Variants in SCN3B observed in about 807,000 individuals in gnomAD.
SCN3B encodes sodium channel regulatory subunit beta-3.
SCN3B carries 11 observed loss-of-function variants against 25.4 expected under a neutral mutation model. That is an observed-to-expected ratio of 0.43 (90% CI 0.27 to 0.72). The LOEUF (loss-of-function observed/expected upper bound fraction) is 0.72, where lower values mean the gene tolerates loss of function less well. Among genes scored for constraint, SCN3B ranks in the 30% least tolerant of loss-of-function variants. The probability of loss-of-function intolerance (pLI) is 0.18; values close to 1 mark genes in which losing one functional copy is unlikely to be tolerated. For missense variants in SCN3B, 218 were observed against 278.3 expected (o/e 0.78, Z 1.54); for synonymous variants, 109 against 110.7 (o/e 0.99, Z 0.09).
At chr11:123,637,809 C>A (rs575143632) in intron 5 of SCN3B, among the ~76,000 whole-genome samples, 1 of 152,060 alleles carries the variant, frequency 6.6e-6, no homozygotes, top group Non-Finnish European at 1.5e-5. Context: ...AGATTACAGG[C>A]GTGACAGCCA....
In SCN3B at chr11:123,642,733, G is replaced by A. The variant is rs763747625; in HGVS notation, c.220-62C>T. The A allele has an allele frequency of 3.4e-5, 44 of 1,283,794 alleles. No individual in the cohort carries two copies. The highest frequency in any genetic ancestry group is 3.3e-4 in the East Asian group (14 of 42,778). The allele number at this position is 1,283,794 out of a possible 1,614,324, so 79.5% of individuals were successfully genotyped here. ...AAGGAGATGGCAGTGGGGGGAAGCC[G>A]AGTTAGGGACAGGGCAGAGAAAAGG... On this transcript the variant is annotated intron_variant, in intron 3 of 6. Transcript: ENST00000299333. This position sits in a 1 kb window ranked among gnomAD's most constrained non-coding sequence, Gnocchi z 4.3.
intron 2 of SCN3B, among the ~76,000 whole-genome samples, chr11:123,649,851 C>T (rs1955903467): frequency 6.6e-6 from 1 of 151,938 alleles, no homozygotes; most frequent in Non-Finnish European, 1.5e-5. Flanking sequence ...TTACAGGCAC[C>T]TGCCATCACG....
At position 123,632,119 on chromosome 11, in the gene SCN3B, TA is replaced by T. The variant is rs1555114311; in HGVS notation, c.*1679del. The stretch of plus-strand genomic sequence containing the variant: ...TTAAAATGAAACACGAGATATTGAC[TA>T]AAGTTTTTTCCAGTTTCTCTGCTCC... On this transcript the variant is annotated 3_prime_UTR_variant, in exon 7 of 7. Coordinates refer to ENST00000299333, the MANE Select transcript of SCN3B (RefSeq NM_001040151.2). 2 of 152,182 alleles carry T rather than the reference TA, an allele frequency of 1.3e-5. No homozygotes were observed. Among genetic ancestry groups the T allele is most frequent in the Non-Finnish European group, 2.9e-5 (2 of 68,034 alleles). The allele number at this position is 152,182 out of a possible 1,614,324, so 9.4% of individuals were successfully genotyped here.
At position 123,630,756 on chromosome 11, in the gene SCN3B, C is replaced by T. The variant is rs1247769875; in HGVS notation, c.*3043G>A. 2.0e-5 allele frequency: 3 copies of T among 152,064 alleles called. No homozygotes were observed. Among genetic ancestry groups the T allele is most frequent in the Non-Finnish European group, 2.9e-5 (2 of 68,042 alleles). 9.4% of individuals were successfully genotyped at this position (152,064 alleles called of 1,614,324 possible). ...TCTCAAAGCACATTGCTAGCATCCACCAAAAAGCAAAGTGGTAGAGAAGCA... is the reference window on the plus strand; with the variant it reads ...TCTCAAAGCACATTGCTAGCATCCATCAAAAAGCAAAGTGGTAGAGAAGCA... On this transcript the variant is annotated 3_prime_UTR_variant, in exon 7 of 7. Coordinates refer to ENST00000299333, the MANE Select transcript of SCN3B (RefSeq NM_001040151.2).
Position 123,642,551 on chromosome 11 carries a change from C to T in SCN3B, c.340G>A (p.Asp114Asn). The change falls in exon 4 of 7, where the codon GAC (aspartate) becomes AAC (asparagine). Residue 114 changes from aspartate (D) to asparagine (N), a missense_variant. Coordinates refer to ENST00000299333, the MANE Select transcript of SCN3B (RefSeq NM_001040151.2). The surrounding 1 kb of genome is among the most constrained non-coding windows in gnomAD (Gnocchi z 4.3). ...SITVLNVTLN[D>N]SGLYTCNVSR... ...ACATTGCAGGTGTAGAGGCCAGAGT[C>T]GTTCAGAGTGACGTTGAGCACAGTG... 6.2e-7 allele frequency: 1 copy of T among 1,614,170 alleles called. No homozygotes were observed. The highest frequency in any genetic ancestry group is 1.7e-5 in the Admixed American group (1 of 60,024).
chr11:123,653,863 C>T (rs993700271), intron 1 of SCN3B, 37 bp from the exon 2 acceptor site: 120 of 1,574,786 alleles, frequency 7.6e-5, no homozygotes, highest in Non-Finnish European at 1.0e-4. Flanking sequence ...GGACTGCGCC[C>T]TCTCAGATTC....
Position 123,645,661 on chromosome 11 carries a change from T to A in SCN3B, c.145A>T (p.Met49Leu), listed in dbSNP as rs1245667083. The stretch of plus-strand genomic sequence containing the variant: ...GTGGCCTCCACCTCCTCTCTCTTCA[T>A]GCAGGAGATGCAGCGCAGCTTCATG... ...NPMKLRCISC[M>L]KREEVEATTV... is the part of the protein sequence containing the mutation. Residue 49 changes from methionine (M) to leucine (L), a missense_variant, in exon 3 of 7, where the codon ATG becomes TTG. Coordinates refer to ENST00000299333, the MANE Select transcript of SCN3B (RefSeq NM_001040151.2). 1 of 1,614,158 alleles carries A rather than the reference T, an allele frequency of 6.2e-7. No individual in the cohort carries two copies. The highest frequency in any genetic ancestry group is 1.1e-5 in the South Asian group (1 of 91,074).
At chr11:123,643,993 A>G (rs930382633) in intron 3 of SCN3B, among the ~76,000 whole-genome samples, 39 of 152,226 alleles carry the variant, frequency 2.6e-4, no homozygotes, top group Admixed American at 2.6e-3. Flanking sequence ...GGATAGTGAG[A>G]AAGAAGAGCA....
In SCN3B at chr11:123,653,808, G is replaced by C. The variant is rs1180649792; in HGVS notation, c.-7C>G. The C allele has an allele frequency of 2.5e-6, 4 of 1,614,164 alleles. No homozygotes were observed. In the South Asian group the frequency reaches 3.3e-5, roughly 13 times the overall value. The stretch of plus-strand genomic sequence containing the variant: ...ATCTATTGAAGGCAGGCATCTTCTG[G>C]GGCTGGCGGCTTCCAAGGCTACACA... On this transcript the variant is annotated 5_prime_UTR_variant, in exon 2 of 7. Transcript: ENST00000299333.
chr11:123,653,882 A>G, intron 1 of SCN3B, 56 bp from the exon 2 acceptor site: 2 of 1,537,532 alleles, frequency 1.3e-6, no homozygotes, highest in Non-Finnish European at 1.8e-6. Flanking sequence ...TCTTTCGAGG[A>G]AACCCTTTGG....
At chr11:123,641,915 T>C (rs1452428332) in intron 4 of SCN3B, among the ~76,000 whole-genome samples, 1 of 152,152 alleles carries the variant, frequency 6.6e-6, no homozygotes, top group Non-Finnish European at 1.5e-5. Context: ...CGCCAGGCAG[T>C]GTGTCACGCA....
At chr11:123,641,466 T>C (rs1781261047) in intron 4 of SCN3B, among the ~76,000 whole-genome samples, 1 of 152,214 alleles carries the variant, frequency 6.6e-6, no homozygotes, top group South Asian at 2.1e-4. Flanking sequence ...AATAAACCTG[T>C]GGCCTGGAGG....
intron 3 of SCN3B, among the ~76,000 whole-genome samples, chr11:123,643,877 C>T (rs560303335): frequency 6.6e-6 from 1 of 152,358 alleles, no homozygotes; most frequent in African/African-American, 2.4e-5. Context: ...CACACCTGAG[C>T]CAGGCTCTGG....
chr11:123,652,713 T>C (rs3781904), intron 2 of SCN3B, among the ~76,000 whole-genome samples: 34,951 of 152,116 alleles, frequency 0.23, 4,318 homozygotes, highest in South Asian at 0.37. Flanking sequence ...ACCTATATTT[T>C]ATCTGAGGAT....
chr11:123,636,854 C>T (rs1165132695), intron 5 of SCN3B, among the ~76,000 whole-genome samples: 3 of 151,992 alleles, frequency 2.0e-5, no homozygotes, highest in African/African-American at 4.8e-5. Context: ...CCACCATGCC[C>T]GGCTAATTTT....
chr11:123,644,840 TACACACAC>T (rs1555115890), intron 3 of SCN3B, among the ~76,000 whole-genome samples: 2 of 124,638 alleles, frequency 1.6e-5, no homozygotes, highest in East Asian at 2.5e-4. Flanking sequence ...TATATATATA[TACACACAC>T]ACATATATAC....
chr11:123,646,298 A>C (rs923613027), intron 2 of SCN3B, among the ~76,000 whole-genome samples: 1 of 152,260 alleles, frequency 6.6e-6, no homozygotes, highest in African/African-American at 2.4e-5. Flanking sequence ...CTTAGAAGAC[A>C]GGCAGTTAGT....
intron 2 of SCN3B, among the ~76,000 whole-genome samples, chr11:123,646,369 G>A (rs1355989676): frequency 1.3e-5 from 2 of 152,226 alleles, no homozygotes; most frequent in African/African-American, 4.8e-5. Flanking sequence ...GGCTAGAAAG[G>A]TAGGCAGGGC....
At chr11:123,641,389 T>C (rs539796219) in intron 4 of SCN3B, among the ~76,000 whole-genome samples, 17 of 152,376 alleles carry the variant, frequency 1.1e-4, no homozygotes, top group African/African-American at 4.1e-4. Flanking sequence ...CTTTCTCCTT[T>C]GTTCATTCAC....
Sources: allele counts gnomAD v4.1 joint callset (sites outside exome capture counted in the v4.1 genomes callset), GRCh38; gene constraint gnomAD v4.1.1; non-coding constraint Gnocchi (gnomAD v3.1); transcripts MANE v1.5; gene names NCBI Gene and HGNC (gene_info 2026-07-23, HGNC 2026-07-21).